Variants in SLC25A13 observed in about 807,000 individuals in gnomAD.
SLC25A13 encodes the protein solute carrier family 25 member 13.
In SLC25A13, 70 loss-of-function variants were observed where a neutral mutation model predicts 85.5. The observed-to-expected ratio is 0.82, with a 90% CI of 0.68 to 1.00. SLC25A13 has a LOEUF of 1.00. Ranked by LOEUF, SLC25A13 falls within the 50% of genes least tolerant of loss-of-function variation. The probability of loss-of-function intolerance (pLI) is 0.00; values close to 1 mark genes in which losing one functional copy is unlikely to be tolerated. For synonymous variants in SLC25A13, 259 were observed against 288.7 expected (o/e 0.90, Z 1.04); for missense variants, 765 against 819.8 (o/e 0.93, Z 0.82).
chr7:96,212,933 A>G (rs1031420313), intron 4 of SLC25A13, among the ~76,000 whole-genome samples: 4 of 152,248 alleles, frequency 2.6e-5, no homozygotes, highest in African/African-American at 9.6e-5. Context: ...CTCAAATATC[A>G]TAAGATTGCC....
chr7:96,267,881 G>T (rs1050579836), intron 3 of SLC25A13, among the ~76,000 whole-genome samples: 4 of 152,068 alleles, frequency 2.6e-5, no homozygotes, highest in Non-Finnish European at 5.9e-5. Context: ...TGACAAGGCG[G>T]TATGGTGAAT....
In SLC25A13 at chr7:96,277,274, A is replaced by C; in HGVS notation, c.134T>G (p.Leu45Trp). 1 of 1,612,714 alleles carries C rather than the reference A, an allele frequency of 6.2e-7. No individual in the cohort carries two copies. Among genetic ancestry groups the C allele is most frequent in the Non-Finnish European group, 8.5e-7 (1 of 1,179,342 alleles). The change falls in exon 3 of 18, where the codon TTG becomes TGG. Residue 45 changes from leucine to tryptophan, a missense_variant. By Grantham distance (61) the Leu-to-Trp change is moderately conservative. Transcript: ENST00000265631. ...AGGCTGGCTTTCTCCAAAAATGTTC[A>C]AGTATCGAGTGACAAAGTCATTGGG... ...MSPNDFVTRY[L>W]NIFGESQPNP...
chr7:96,147,648 G>A (rs1792860125), intron 13 of SLC25A13, among the ~76,000 whole-genome samples: 1 of 152,130 alleles, frequency 6.6e-6, no homozygotes, highest in Non-Finnish European at 1.5e-5. Context: ...CTAGCTACAA[G>A]GATGGCCTTT....
intron 13 of SLC25A13, among the ~76,000 whole-genome samples, chr7:96,163,464 T>A (rs775607276): frequency 2.0e-5 from 3 of 152,130 alleles, no homozygotes; most frequent in Non-Finnish European, 4.4e-5. Flanking sequence ...AGTACAACCC[T>A]CCCAGGCTGA....
At chr7:96,295,283 A>C (rs1799304264) in intron 2 of SLC25A13, among the ~76,000 whole-genome samples, 1 of 152,232 alleles carries the variant, frequency 6.6e-6, no homozygotes, top group Non-Finnish European at 1.5e-5. Context: ...CGGGAGGTGG[A>C]GGTTGCAGTG....
intron 11 of SLC25A13, among the ~76,000 whole-genome samples, chr7:96,181,954 T>C (rs1056807631): frequency 7.9e-5 from 12 of 152,232 alleles, no homozygotes; most frequent in Non-Finnish European, 8.8e-5. Context: ...TAATGTGACT[T>C]TGTACATAAA....
chr7:96,120,736 A>G lies in SLC25A13; in HGVS notation c.*455T>C. 4.4e-6 allele frequency: 2 copies of G among 454,154 alleles called. No homozygotes were observed. Among genetic ancestry groups the G allele is most frequent in the South Asian group, 1.6e-5 (1 of 64,232 alleles). The allele number at this position is 454,154 out of a possible 1,614,324, so 28.1% of individuals were successfully genotyped here. ...AAGCCAGGCTGAATATATTTGATATATATTTTTTCATTTCTCCCAGTGTTT... is the reference window on the plus strand; with the variant it reads ...AAGCCAGGCTGAATATATTTGATATGTATTTTTTCATTTCTCCCAGTGTTT... On this transcript the variant is annotated 3_prime_UTR_variant, in exon 18 of 18. Coordinates refer to ENST00000265631, the MANE Select transcript of SLC25A13 (RefSeq NM_014251.3).
At chr7:96,287,178 T>G (rs138224811) in intron 2 of SLC25A13, among the ~76,000 whole-genome samples, 3 of 152,332 alleles carry the variant, frequency 2.0e-5, no homozygotes, top group Non-Finnish European at 4.4e-5. Context: ...CCATCTGTGA[T>G]AAATGGTAAA....
intron 2 of SLC25A13, among the ~76,000 whole-genome samples, chr7:96,291,746 A>C (rs1399759169): frequency 6.6e-6 from 1 of 152,226 alleles, no homozygotes; most frequent in African/African-American, 2.4e-5. Flanking sequence ...TGAATCCCTG[A>C]ATAGACCAAT....
chr7:96,203,570 T>C (rs1041157145), intron 5 of SLC25A13, among the ~76,000 whole-genome samples: 7 of 152,178 alleles, frequency 4.6e-5, no homozygotes, highest in African/African-American at 1.7e-4. Flanking sequence ...ACAAGAACTT[T>C]CTTAGCTAGA....
At chr7:96,234,053 A>G (rs542962937) in intron 4 of SLC25A13, among the ~76,000 whole-genome samples, 1 of 152,382 alleles carries the variant, frequency 6.6e-6, no homozygotes, top group East Asian at 1.9e-4. Flanking sequence ...ATGCAGAGAC[A>G]ACATATGCTG....
intron 11 of SLC25A13, among the ~76,000 whole-genome samples, chr7:96,173,476 A>G (rs1225178312): frequency 6.6e-6 from 1 of 152,220 alleles, no homozygotes; most frequent in Non-Finnish European, 1.5e-5. Context: ...TAATGTGCAA[A>G]TGTGTACCTG....
At position 96,259,948 on chromosome 7, in the gene SLC25A13, A is replaced by T. The variant is rs1017278368; in HGVS notation, c.212+17248T>A. 5.9e-5 allele frequency among the ~76,000 whole-genome samples: 9 copies of T among 152,096 alleles called. No individual in the cohort carries two copies. The East Asian group carries it at 1.6e-3, about 26-fold the overall frequency. On this transcript the variant is annotated intron_variant, in intron 3 of 17. Transcript: ENST00000265631. ...AAACCACCATTCTCAGCAAACTAAC[A>T]TAGGAACAGCAAACCAAACACCGCA...
intron 4 of SLC25A13, among the ~76,000 whole-genome samples, chr7:96,232,648 G>GA (rs34636842): frequency 7.0e-4 from 92 of 131,960 alleles, no homozygotes; most frequent in African/African-American, 2.5e-3. Context: ...AAAGAAAAAT[G>GA]AAAAAAAAAA....
At chr7:96,149,381 C>A (rs1792929098) in intron 13 of SLC25A13, among the ~76,000 whole-genome samples, 1 of 152,302 alleles carries the variant, frequency 6.6e-6, no homozygotes, top group Non-Finnish European at 1.5e-5. Flanking sequence ...TTTACTAACA[C>A]TGGTAAAAGT....
chr7:96,314,459 G>A (rs1378565731), intron 1 of SLC25A13, among the ~76,000 whole-genome samples: 3 of 152,112 alleles, frequency 2.0e-5, no homozygotes, highest in African/African-American at 4.8e-5. Flanking sequence ...TAAAGGAATT[G>A]TATCACTACA....
chr7:96,211,534 A>T (rs1795696619), intron 4 of SLC25A13, among the ~76,000 whole-genome samples: 3 of 152,178 alleles, frequency 2.0e-5, no homozygotes, highest in African/African-American at 7.2e-5. Context: ...GTGTTTGTGC[A>T]TATTTATTGC....
intron 1 of SLC25A13, among the ~76,000 whole-genome samples, chr7:96,312,208 G>A (rs1799974723): frequency 1.3e-5 from 2 of 152,164 alleles, no homozygotes; most frequent in South Asian, 4.1e-4. Flanking sequence ...TACAAGCCAT[G>A]TGATCTTGGG....
intron 3 of SLC25A13, 91 bp downstream of exon 3, chr7:96,277,105 G>A: frequency 7.8e-7 from 1 of 1,276,132 alleles, no homozygotes; most frequent in Non-Finnish European, 1.1e-6. Flanking sequence ...GAGATGGGAA[G>A]GTATACATTT....
Sources: gnomAD v4.1 joint callset for allele counts (sites outside exome capture counted in the v4.1 genomes callset) on GRCh38, gnomAD v4.1.1 for gene constraint, MANE v1.5 for transcripts, NCBI Gene and HGNC (gene_info 2026-07-23, HGNC 2026-07-21) for gene names.